SLC1A2: variants seen among roughly 807,000 people sequenced by gnomAD.
SLC1A2 encodes solute carrier family 1 member 2.
A neutral mutation model predicts 48.8 loss-of-function variants in SLC1A2; 15 were observed. The ratio of observed to expected loss-of-function variants is 0.31; its 90% CI spans 0.21 to 0.47. The LOEUF (loss-of-function observed/expected upper bound fraction) is 0.47, where lower values mean the gene tolerates loss of function less well. Ranked by LOEUF, SLC1A2 falls within the 20% of genes least tolerant of loss-of-function variation. SLC1A2 has a pLI of 0.99. For synonymous variants in SLC1A2, 279 were observed against 272.6 expected, an observed-to-expected ratio of 1.02 and a Z score of -0.23; for missense variants, 502 against 730.5, an observed-to-expected ratio of 0.69 and a Z score of 3.61.
Position 35,419,146 on chromosome 11 carries a change from T to G in SLC1A2, c.-180A>C, listed in dbSNP as rs973876023. ...CGCCTCAACGGGCGCAGGAGGCTCC[T>G]GCGGGCGCTAATCCGCGTCCCGGCT... is the stretch of plus-strand genomic sequence containing the variant. On this transcript the variant is annotated 5_prime_UTR_variant, in exon 1 of 11. Coordinates refer to ENST00000278379, the MANE Select transcript of SLC1A2 (RefSeq NM_004171.4). This position sits in a 1 kb window ranked among gnomAD's most constrained non-coding sequence, Gnocchi z 5.4. The G allele has an allele frequency of 7.4e-5, 37 of 498,070 alleles. 1 individual carries two copies. Among genetic ancestry groups the G allele is most frequent in the African/African-American group, 6.7e-4 (33 of 49,358 alleles). The allele number at this position is 498,070 out of a possible 1,614,324, so 30.9% of individuals were successfully genotyped here.
chr11:35,346,951 C>T (rs1853059763), intron 1 of SLC1A2, among the ~76,000 whole-genome samples: 1 of 152,110 alleles, frequency 6.6e-6, no homozygotes, highest in Non-Finnish European at 1.5e-5. Flanking sequence ...GGAAAGGGGA[C>T]TGGAAAGATA....
intron 1 of SLC1A2, among the ~76,000 whole-genome samples, chr11:35,348,892 C>CAAAAA (rs397752034): frequency 3.8e-5 from 3 of 78,428 alleles, no homozygotes; most frequent in African/African-American, 4.8e-5. Context: ...GACCTGGTCT[C>CAAAAA]AAAAAAAAAA....
intron 7 of SLC1A2, among the ~76,000 whole-genome samples, chr11:35,290,458 T>A (rs920697192): frequency 6.6e-6 from 1 of 152,098 alleles, no homozygotes; most frequent in Non-Finnish European, 1.5e-5. Flanking sequence ...AAACAATATA[T>A]ACATACATAG....
At chr11:35,408,778 T>A (rs2071104083) in intron 1 of SLC1A2, among the ~76,000 whole-genome samples, 1 of 152,254 alleles carries the variant, frequency 6.6e-6, no homozygotes, top group South Asian at 2.1e-4. Flanking sequence ...ATTTGGCTGT[T>A]ACATTCTATG....
chr11:35,290,727 T>TC (rs11459739), intron 7 of SLC1A2, among the ~76,000 whole-genome samples: 83,129 of 148,498 alleles, frequency 0.56, 24,348 homozygotes, highest in East Asian at 0.73. Context: ...TTTTTTTTTT[T>TC]TCTCTTTTTC....
rs1160631722 is a variant in SLC1A2 at position 35,265,535 on chromosome 11, C to A, written c.1645G>T (p.Glu549Ter). The change falls in exon 10 of 11, where the codon GAA becomes TAA. Residue 549 changes from glutamate to a stop codon, truncating the protein, a stop_gained. Transcript: ENST00000278379. LOFTEE classifies it high-confidence loss of function. Reference protein sequence around the residue: ...YAAHNSVIVDECKVTLAANGK... With the variant: ...YAAHNSVIVD ...ATGAATGGGAAATGTACCTTGCATT[C>A]ATCTACTATGACAGAGTTGTGTGCA... is the stretch of plus-strand genomic sequence containing the variant. 1 of 1,552,310 alleles carries A rather than the reference C, an allele frequency of 6.4e-7. No homozygotes were observed. The highest frequency in any genetic ancestry group is 8.9e-7 in the Non-Finnish European group (1 of 1,124,018).
intron 4 of SLC1A2, among the ~76,000 whole-genome samples, chr11:35,308,068 G>T (rs3794087): frequency 0.2 from 30,155 of 152,166 alleles, 3,465 homozygotes; most frequent in Admixed American, 0.27. Flanking sequence ...AAAGCCAACT[G>T]TCAACCTATC....
chr11:35,261,039 A>G lies in SLC1A2; in HGVS notation c.1654-74T>C. On this transcript the variant is annotated intron_variant, in intron 10 of 10. Transcript: ENST00000278379. ...AAAAGCCCTGTGGGTTATGTGGAGA[A>G]GCACCAAATCCAAGATTATACTACA... The G allele has an allele frequency of 3.8e-6, 4 of 1,047,646 alleles. No homozygotes were observed. In the South Asian group the frequency reaches 5.0e-5, roughly 13 times the overall value. 64.9% of individuals were successfully genotyped at this position (1,047,646 alleles called of 1,614,324 possible). A position where few individuals can be genotyped will look rare whatever the true frequency, so the allele number is the denominator to read the frequency against.
intron 6 of SLC1A2, among the ~76,000 whole-genome samples, chr11:35,299,877 G>A (rs1357300956): frequency 6.6e-6 from 1 of 152,144 alleles, no homozygotes; most frequent in Admixed American, 6.5e-5. Flanking sequence ...GCAGAGATGG[G>A]GAATAGGTAA....
intron 1 of SLC1A2, among the ~76,000 whole-genome samples, chr11:35,330,286 C>T (rs1487288628): frequency 1.3e-5 from 2 of 152,204 alleles, no homozygotes; most frequent in African/African-American, 4.8e-5. Flanking sequence ...TTCCCCACTC[C>T]CCTAAGCCCA....
chr11:35,393,834 G>A (rs1854860867), intron 1 of SLC1A2, among the ~76,000 whole-genome samples: 2 of 152,094 alleles, frequency 1.3e-5, no homozygotes, highest in South Asian at 4.1e-4. Context: ...AAAATGCTCT[G>A]GTTTTAAAGA....
intron 9 of SLC1A2, among the ~76,000 whole-genome samples, chr11:35,279,556 T>TCCTGTCTC (rs1156846664): frequency 6.6e-6 from 1 of 152,172 alleles, no homozygotes; most frequent in Admixed American, 6.5e-5. Context: ...GACTGGAATG[T>TCCTGTCTC]CCTGTCTCCC....
rs1035341627 is a variant in SLC1A2, at chr11:35,251,291, A to T, written c.*9603T>A. Reference sequence around the variant, plus strand: ...AATATTGGATTCACAGGTTATTTCCAGTATATAAAGAATATCCAGTTATTT... The same window carrying T: ...AATATTGGATTCACAGGTTATTTCCTGTATATAAAGAATATCCAGTTATTT... On this transcript the variant is annotated 3_prime_UTR_variant, in exon 11 of 11. Transcript: ENST00000278379. 1.3e-5 allele frequency: 2 copies of T among 152,678 alleles called. No homozygotes were observed. Among genetic ancestry groups the T allele is most frequent in the African/African-American group, 4.8e-5 (2 of 41,470 alleles). The allele number at this position is 152,678 out of a possible 1,614,324, so 9.5% of individuals were successfully genotyped here. A position where few individuals can be genotyped will look rare whatever the true frequency, so the allele number is the denominator to read the frequency against.
rs138677230 is a variant in SLC1A2, at chr11:35,258,131, A to T, written c.*2763T>A. The T allele has an allele frequency of 6.6e-6, 1 of 152,380 alleles. No homozygotes were observed. Among genetic ancestry groups the T allele is most frequent in the African/African-American group, 2.4e-5 (1 of 41,600 alleles). The allele number at this position is 152,380 out of a possible 1,614,324, so 9.4% of individuals were successfully genotyped here. A position where few individuals can be genotyped will look rare whatever the true frequency, so the allele number is the denominator to read the frequency against. ...TTAAATAAAAACAGAGGACATAGAC[A>T]TATGTCAACATGTCAACTCTACATG... On this transcript the variant is annotated 3_prime_UTR_variant, in exon 11 of 11. Coordinates refer to ENST00000278379, the MANE Select transcript of SLC1A2 (RefSeq NM_004171.4).
Position 35,265,160 on chromosome 11 carries a change from G to T in SLC1A2, c.1653+367C>A, listed in dbSNP as rs1950460369. On this transcript the variant is annotated intron_variant, in intron 10 of 10. Coordinates refer to ENST00000278379, the MANE Select transcript of SLC1A2 (RefSeq NM_004171.4). Reference sequence around the variant, plus strand: ...GGGTTTCACCTTGTTAGCCAGGATGGTCTTGATCTCCTGACCTCGTGATCT... The same window carrying T: ...GGGTTTCACCTTGTTAGCCAGGATGTTCTTGATCTCCTGACCTCGTGATCT... The T allele has an allele frequency of 5.3e-5, 15 of 282,700 alleles. 1 individual carries two copies. In the South Asian group the frequency reaches 1.2e-3, roughly 22 times the overall value. 17.5% of individuals were successfully genotyped at this position (282,700 alleles called of 1,614,324 possible). A position where few individuals can be genotyped will look rare whatever the true frequency, so the allele number is the denominator to read the frequency against.
At position 35,309,917 on chromosome 11, in the gene SLC1A2, A is replaced by G. The variant is rs1453059797; in HGVS notation, c.561+2281T>C. Among the ~76,000 whole-genome samples, 4 of 152,214 alleles carry G rather than the reference A, an allele frequency of 2.6e-5. No homozygotes were observed. The East Asian group carries it at 7.7e-4, about 29-fold the overall frequency. Reference sequence around the variant, plus strand: ...TGAGCCTACTGAGGGACCAAGGCTCAGTCCTCATATGAATTTTGGCAATAG... The same window carrying G: ...TGAGCCTACTGAGGGACCAAGGCTCGGTCCTCATATGAATTTTGGCAATAG... On this transcript the variant is annotated intron_variant, in intron 4 of 10. Transcript: ENST00000278379.
intron 1 of SLC1A2, among the ~76,000 whole-genome samples, chr11:35,363,062 TCA>T (rs1853733307): frequency 4.6e-5 from 7 of 152,120 alleles, no homozygotes; most frequent in African/African-American, 1.4e-4. Flanking sequence ...ACAAAGCAGG[TCA>T]GCGGCAGACC....
intron 7 of SLC1A2, among the ~76,000 whole-genome samples, chr11:35,290,438 A>G (rs12576375): frequency 0.26 from 39,180 of 151,918 alleles, 5,198 homozygotes; most frequent in Admixed American, 0.3. Flanking sequence ...TAAAAAAATA[A>G]CTATTTATAA....
intron 6 of SLC1A2, among the ~76,000 whole-genome samples, chr11:35,297,213 C>T (rs1851202290): frequency 6.6e-6 from 1 of 152,096 alleles, no homozygotes; most frequent in Non-Finnish European, 1.5e-5. Flanking sequence ...ATCTGATCAC[C>T]CTCAAATCTG....
Sources: gnomAD v4.1 joint callset for allele counts (sites outside exome capture counted in the v4.1 genomes callset) on GRCh38, gnomAD v4.1.1 for gene constraint, Gnocchi (gnomAD v3.1) non-coding constraint, MANE v1.5 for transcripts, NCBI Gene and HGNC (gene_info 2026-07-23, HGNC 2026-07-21) for gene names.